Variants in DICER1 observed in about 807,000 individuals in gnomAD.
The protein encoded by DICER1 is dicer 1, ribonuclease III, also known as endoribonuclease Dicer.
DICER1 carries 43 observed loss-of-function variants against 194.1 expected under a neutral mutation model. That is an observed-to-expected ratio of 0.22 (90% CI 0.17 to 0.29). DICER1 has a LOEUF of 0.29. DICER1 is among the 10% of genes least tolerant of loss of function. The probability of loss-of-function intolerance (pLI) is 1.00; values close to 1 mark genes in which losing one functional copy is unlikely to be tolerated. For missense variants in DICER1, 1,608 were observed against 2,317.0 expected (o/e 0.69, Z 6.28); for synonymous variants, 832 against 820.5 (o/e 1.01, Z -0.24).
rs894101459 is a variant in DICER1, at chr14:95,124,808, G to C, written c.904-140C>G. 21 of 704,038 alleles carry C rather than the reference G, an allele frequency of 3.0e-5. No individual in the cohort carries two copies. In the Admixed American group the frequency reaches 3.9e-4, roughly 13 times the overall value. 43.6% of individuals were successfully genotyped at this position (704,038 alleles called of 1,614,324 possible). On this transcript the variant is annotated intron_variant, in intron 7 of 26. Transcript: ENST00000343455. This position sits in a 1 kb window ranked among gnomAD's most constrained non-coding sequence, Gnocchi z 4.5. ...GCCTTAGGTTAAGTCCCTGAAGGTG[G>C]GGGGAGAGGCCATTAGCCTTTTCAA... is the stretch of plus-strand genomic sequence containing the variant.
chr14:95,102,912 C>T (rs113207194), intron 21 of DICER1, among the ~76,000 whole-genome samples: 16 of 152,324 alleles, frequency 1.1e-4, no homozygotes, highest in Admixed American at 4.6e-4. Context: ...CTCCACAAGA[C>T]TTGTGTCTTA....
At chr14:95,126,468 C>A in intron 7 of DICER1, 112 bp downstream of exon 7, 1 of 717,134 alleles carries the variant, frequency 1.4e-6, no homozygotes, top group Non-Finnish European at 2.3e-6. Flanking sequence ...AGATTAAGAC[C>A]TTAAACTAAA....
chr14:95,149,805 T>C (rs977107892), intron 1 of DICER1, among the ~76,000 whole-genome samples: 2 of 152,208 alleles, frequency 1.3e-5, no homozygotes, highest in African/African-American at 4.8e-5. Flanking sequence ...AAAGCAGCTT[T>C]TTATAGGTCA....
chr14:95,091,412 C>T (rs763296369), intron 24 of DICER1, 47 bp from the exon 25 acceptor site: 5 of 1,553,514 alleles, frequency 3.2e-6, no homozygotes, highest in East Asian at 2.2e-5. Flanking sequence ...GCCACTTTTA[C>T]AGGCAGTCCA....
chr14:95,099,476 AT>A (rs2139893626), intron 22 of DICER1, among the ~76,000 whole-genome samples: 1 of 152,214 alleles, frequency 6.6e-6, no homozygotes, highest in South Asian at 2.1e-4. Flanking sequence ...GCAAAGTGAA[AT>A]TTTTTTAAAG....
chr14:95,104,572 A>C (rs1331533076), intron 20 of DICER1, among the ~76,000 whole-genome samples: 1 of 152,252 alleles, frequency 6.6e-6, no homozygotes, highest in African/African-American at 2.4e-5. Context: ...ACAGCATTTA[A>C]GCTAGTGTTT....
Position 95,124,139 on chromosome 14 carries a change from T to C in DICER1, c.1376+57A>G. 7.6e-7 allele frequency: 1 copy of C among 1,322,036 alleles called. No homozygotes were observed. Among genetic ancestry groups the C allele is most frequent in the South Asian group, 1.2e-5 (1 of 84,154 alleles). The allele number at this position is 1,322,036 out of a possible 1,614,324, so 81.9% of individuals were successfully genotyped here. On this transcript the variant is annotated intron_variant, in intron 8 of 26. Coordinates refer to ENST00000343455, the MANE Select transcript of DICER1 (RefSeq NM_177438.3). The surrounding 1 kb of genome is among the most constrained non-coding windows in gnomAD (Gnocchi z 4.5). The stretch of plus-strand genomic sequence containing the variant: ...CTTACAGCTGCTGCAGCGCATCACA[T>C]CACAACACAGGACGCCTCCCTGTTC...
rs1345404696 is a variant in DICER1, at chr14:95,126,648, T to A, written c.835A>T (p.Asn279Tyr). The A allele has an allele frequency of 1.3e-6, 2 of 1,578,678 alleles. No individual in the cohort carries two copies. The highest frequency in any genetic ancestry group is 1.7e-4 in the Middle Eastern group (1 of 6,002). Residue 279 changes from asparagine (N) to tyrosine (Y), a missense_variant, in exon 7 of 27, where the codon AAT becomes TAT. Physicochemically the swap from Asn to Tyr is moderately radical, Grantham distance 143 (BLOSUM62 -2). Coordinates refer to ENST00000343455, the MANE Select transcript of DICER1 (RefSeq NM_177438.3). ...RLLMELEEAL[N>Y]FINDCNISVH... ...GATATATTACAATCATTGATAAAAT[T>A]AAGTGCTTCTTCTAATTCCATCAGC...
chr14:95,106,702 C>A (rs540236116), intron 17 of DICER1, among the ~76,000 whole-genome samples: 1 of 151,892 alleles, frequency 6.6e-6, no homozygotes, highest in South Asian at 2.1e-4. Flanking sequence ...GATTGAATTA[C>A]AACTAGTATT....
intron 10 of DICER1, 109 bp downstream of exon 10, chr14:95,116,344 G>C: frequency 7.6e-7 from 1 of 1,309,974 alleles, no homozygotes; most frequent in East Asian, 2.3e-5. Flanking sequence ...TGAGATTATT[G>C]CCTGTAGATA....
chr14:95,145,383 C>T (rs1595498179), intron 1 of DICER1, among the ~76,000 whole-genome samples: 1 of 152,300 alleles, frequency 6.6e-6, no homozygotes, highest in Non-Finnish European at 1.5e-5. Flanking sequence ...TTTGTATTCA[C>T]TAGTTCTCTT....
At position 95,087,104 on chromosome 14, in the gene DICER1, A is replaced by T. The variant is rs917505449; in HGVS notation, c.*3394T>A. 2 of 233,188 alleles carry T rather than the reference A, an allele frequency of 8.6e-6. No individual in the cohort carries two copies. Among genetic ancestry groups the T allele is most frequent in the African/African-American group, 4.4e-5 (2 of 45,320 alleles). The allele number at this position is 233,188 out of a possible 1,614,324, so 14.4% of individuals were successfully genotyped here. A position where few individuals can be genotyped will look rare whatever the true frequency, so the allele number is the denominator to read the frequency against. On this transcript the variant is annotated 3_prime_UTR_variant, in exon 27 of 27. Coordinates refer to ENST00000343455, the MANE Select transcript of DICER1 (RefSeq NM_177438.3). ...ACTGCGCTCGATCTGGATTCCAGTG[A>T]TCCTCTGCAGTGCCCACCTGCCTCC...
At chr14:95,155,808 AG>A (rs1895817144) in intron 1 of DICER1, among the ~76,000 whole-genome samples, 1 of 152,140 alleles carries the variant, frequency 6.6e-6, no homozygotes, top group African/African-American at 2.4e-5. Context: ...AGCAATCTTT[AG>A]TTTTTTGTTT....
At chr14:95,138,507 T>C (rs1292260205) in intron 1 of DICER1, among the ~76,000 whole-genome samples, 12 of 151,842 alleles carry the variant, frequency 7.9e-5, no homozygotes, top group Admixed American at 3.3e-4. Context: ...CAAAAAACCA[T>C]GTGTAAGAAA....
At chr14:95,126,084 A>ACT (rs34039186) in intron 7 of DICER1, among the ~76,000 whole-genome samples, 64,769 of 151,786 alleles carry the variant, frequency 0.43, 15,831 homozygotes, top group African/African-American at 0.69. Flanking sequence ...AAAACTGAAG[A>ACT]CTGCAAACAG....
intron 11 of DICER1, among the ~76,000 whole-genome samples, chr14:95,114,282 G>T (rs1388246720): frequency 2.0e-5 from 3 of 152,184 alleles, no homozygotes; most frequent in Non-Finnish European, 2.9e-5. Context: ...AGGAATAATA[G>T]TGAGATGTTA....
chr14:95,099,681 AAATT>A, intron 22 of DICER1, 95 bp downstream of exon 22: 1 of 1,456,710 alleles, frequency 6.9e-7, no homozygotes, highest in East Asian at 2.5e-5. Context: ...ATGAAACAAA[AAATT>A]AATAAAACAA....
rs139573810 is a variant in DICER1, at chr14:95,130,318, A to G, written c.439-126T>C. On this transcript the variant is annotated intron_variant, in intron 4 of 26. Transcript: ENST00000343455. ...AAGGAATTCATTAGTCAAAATTAAAACTAAAATACTAAATACATATAATTT... is the reference window on the plus strand; with the variant it reads ...AAGGAATTCATTAGTCAAAATTAAAGCTAAAATACTAAATACATATAATTT... 3.5e-4 allele frequency: 289 copies of G among 837,308 alleles called. No homozygotes were observed. The African/African-American group carries it at 4.0e-3, about 11-fold the overall frequency. The allele number at this position is 837,308 out of a possible 1,614,324, so 51.9% of individuals were successfully genotyped here.
At chr14:95,115,878 G>A (rs1892407652) in intron 10 of DICER1, 57 bp from the exon 11 acceptor site, 2 of 1,555,294 alleles carry the variant, frequency 1.3e-6, no homozygotes, top group South Asian at 1.1e-5. Flanking sequence ...GCTGTATGCT[G>A]TCTGCCTCTG....
Sources: allele counts gnomAD v4.1 joint callset (sites outside exome capture counted in the v4.1 genomes callset), GRCh38; gene constraint gnomAD v4.1.1; non-coding constraint Gnocchi (gnomAD v3.1); transcripts MANE v1.5; gene names NCBI Gene and HGNC (gene_info 2026-07-23, HGNC 2026-07-21).